The following ZNF385B variants were observed in gnomAD, a reference collection of about 807,000 sequenced individuals.
The protein encoded by ZNF385B is zinc finger protein 385B.
A neutral mutation model predicts 39.2 loss-of-function variants in ZNF385B; 23 were observed. The observed-to-expected ratio is 0.59, with a 90% CI of 0.42 to 0.83. ZNF385B has a LOEUF of 0.83. ZNF385B is among the 40% of genes least tolerant of loss of function. The probability of loss-of-function intolerance (pLI) is 0.00; values close to 1 mark genes in which losing one functional copy is unlikely to be tolerated. For missense variants in ZNF385B, 552 were observed against 598.9 expected (o/e 0.92, Z 0.82); for synonymous variants, 205 against 222.6 (o/e 0.92, Z 0.70).
chr2:179,842,322 T>C (rs1415584184), intron 1 of ZNF385B, among the ~76,000 whole-genome samples: 1 of 152,192 alleles, frequency 6.6e-6, no homozygotes, highest in African/African-American at 2.4e-5. Flanking sequence ...AAAGTTATTT[T>C]TACAAAACCA....
At chr2:179,706,702 G>A (rs1020939875) in intron 3 of ZNF385B, among the ~76,000 whole-genome samples, 2 of 152,226 alleles carry the variant, frequency 1.3e-5, no homozygotes, top group African/African-American at 4.8e-5. Flanking sequence ...TCAGATGCCT[G>A]AGTAGTGGCA....
intron 3 of ZNF385B, among the ~76,000 whole-genome samples, chr2:179,687,750 A>G (rs1033666653): frequency 6.6e-6 from 1 of 152,136 alleles, no homozygotes; most frequent in Non-Finnish European, 1.5e-5. Context: ...ATTTTTCCAT[A>G]CCTTAGTATC....
At chr2:179,504,561 T>C (rs1383684994) in intron 5 of ZNF385B, among the ~76,000 whole-genome samples, 3 of 152,162 alleles carry the variant, frequency 2.0e-5, no homozygotes, top group South Asian at 2.1e-4. Flanking sequence ...TTTTTAATGA[T>C]TGCCATTCTA....
intron 5 of ZNF385B, among the ~76,000 whole-genome samples, chr2:179,504,705 G>A (rs1292626458): frequency 6.6e-6 from 1 of 151,776 alleles, no homozygotes; most frequent in Non-Finnish European, 1.5e-5. Context: ...TATACCTAAT[G>A]TTAAATGACA....
At chr2:179,476,536 C>T (rs2053468013) in intron 6 of ZNF385B, among the ~76,000 whole-genome samples, 1 of 152,096 alleles carries the variant, frequency 6.6e-6, no homozygotes, top group Non-Finnish European at 1.5e-5. Flanking sequence ...TAGACCAACA[C>T]TAAAAAATAG....
intron 3 of ZNF385B, among the ~76,000 whole-genome samples, chr2:179,741,315 C>A (rs1245427267): frequency 6.6e-6 from 1 of 151,932 alleles, no homozygotes; most frequent in South Asian, 2.1e-4. Context: ...TTTTTTTTCT[C>A]ATTTTGAGAA....
intron 6 of ZNF385B, among the ~76,000 whole-genome samples, chr2:179,475,150 T>C (rs1275276579): frequency 4.6e-5 from 7 of 152,148 alleles, no homozygotes; most frequent in Non-Finnish European, 1.0e-4. Flanking sequence ...CTCAGTAACA[T>C]GAGGCACATT....
chr2:179,828,173 T>G (rs192953711), intron 1 of ZNF385B, among the ~76,000 whole-genome samples: 173 of 152,324 alleles, frequency 1.1e-3, no homozygotes, highest in African/African-American at 3.8e-3. Context: ...TGAACATTCT[T>G]GTGTTTGGTG....
At chr2:179,827,040 T>C (rs1458155713) in intron 1 of ZNF385B, among the ~76,000 whole-genome samples, 1 of 152,222 alleles carries the variant, frequency 6.6e-6, no homozygotes, top group Non-Finnish European at 1.5e-5. Flanking sequence ...TTTAAGATGA[T>C]ACAGTACACT....
chr2:179,847,166 A>G (rs776191567), intron 1 of ZNF385B, among the ~76,000 whole-genome samples: 10 of 152,212 alleles, frequency 6.6e-5, no homozygotes, highest in Non-Finnish European at 1.0e-4. Flanking sequence ...TATATTCTTC[A>G]TAAAACTGCT....
intron 1 of ZNF385B, among the ~76,000 whole-genome samples, chr2:179,790,009 C>G (rs2106537509): frequency 6.6e-6 from 1 of 152,144 alleles, no homozygotes; most frequent in South Asian, 2.1e-4. Context: ...TGAAATCATT[C>G]CTTGATGATG....
intron 4 of ZNF385B, among the ~76,000 whole-genome samples, chr2:179,532,445 C>T (rs376212465): frequency 1.1e-4 from 17 of 152,084 alleles, no homozygotes; most frequent in Non-Finnish European, 1.3e-4. Context: ...ACATGAACCA[C>T]GTAGCAAGTT....
At chr2:179,457,076 C>T (rs1425473240) in intron 6 of ZNF385B, among the ~76,000 whole-genome samples, 1 of 152,104 alleles carries the variant, frequency 6.6e-6, no homozygotes, top group Non-Finnish European at 1.5e-5. Flanking sequence ...AGATAACCAC[C>T]TCTATTAACC....
chr2:179,623,319 T>C (rs1690379406), intron 3 of ZNF385B, among the ~76,000 whole-genome samples: 1 of 152,050 alleles, frequency 6.6e-6, no homozygotes, highest in Admixed American at 6.6e-5. Flanking sequence ...TATGTCTCCC[T>C]AGGAATTCTG....
intron 3 of ZNF385B, among the ~76,000 whole-genome samples, chr2:179,630,549 C>A (rs1691107257): frequency 6.6e-6 from 1 of 152,216 alleles, no homozygotes; most frequent in East Asian, 1.9e-4. Flanking sequence ...GGTAGAGGAA[C>A]CACAAAGATG....
intron 3 of ZNF385B, among the ~76,000 whole-genome samples, chr2:179,719,650 A>C (rs1205998086): frequency 6.6e-6 from 1 of 152,256 alleles, no homozygotes; most frequent in Non-Finnish European, 1.5e-5. Flanking sequence ...CACCAGGTTT[A>C]CTAAGAAAGA....
At chr2:179,722,997 C>T (rs1313619583) in intron 3 of ZNF385B, among the ~76,000 whole-genome samples, 1 of 152,072 alleles carries the variant, frequency 6.6e-6, no homozygotes, top group African/African-American at 2.4e-5. Flanking sequence ...AATTAAATCC[C>T]CAATGAGATA....
chr2:179,556,889 A>C (rs2060942171), intron 3 of ZNF385B, among the ~76,000 whole-genome samples: 1 of 148,986 alleles, frequency 6.7e-6, no homozygotes, highest in Non-Finnish European at 1.5e-5. Flanking sequence ...AAAATCCAAC[A>C]ATTGGCAGTT....
intron 3 of ZNF385B, among the ~76,000 whole-genome samples, chr2:179,699,912 C>G (rs1235296822): frequency 1.3e-5 from 2 of 152,162 alleles, no homozygotes; most frequent in Non-Finnish European, 2.9e-5. Context: ...GATTGTTATA[C>G]AATCATCGAC....
Sources: gnomAD v4.1 joint callset for allele counts (sites outside exome capture counted in the v4.1 genomes callset) on GRCh38, gnomAD v4.1.1 for gene constraint, MANE v1.5 for transcripts, NCBI Gene and HGNC (gene_info 2026-07-23, HGNC 2026-07-21) for gene names.